PDSS2: variants seen among roughly 807,000 people sequenced by gnomAD.
PDSS2 encodes decaprenyl diphosphate synthase subunit 2, also known as all trans-polyprenyl-diphosphate synthase PDSS2.
Under a neutral mutation model 44.5 loss-of-function variants are expected in PDSS2, and 31 were observed. The ratio of observed to expected loss-of-function variants is 0.70; its 90% CI spans 0.52 to 0.94. The LOEUF (loss-of-function observed/expected upper bound fraction) is 0.94. Among genes scored for constraint, PDSS2 ranks in the 40% least tolerant of loss-of-function variants. The pLI is 0.00. For synonymous variants in PDSS2, 157 were observed against 180.3 expected, an observed-to-expected ratio of 0.87 and a Z score of 1.03; for missense variants, 452 against 482.2, an observed-to-expected ratio of 0.94 and a Z score of 0.59.
intron 1 of PDSS2, among the ~76,000 whole-genome samples, chr6:107,458,033 T>C (rs1259790275): frequency 6.6e-6 from 1 of 152,198 alleles, no homozygotes; most frequent in Non-Finnish European, 1.5e-5. Context: ...TGTGTATATG[T>C]ATTTAATGTA....
At chr6:107,343,106 G>A (rs1361874418) in intron 1 of PDSS2, among the ~76,000 whole-genome samples, 1 of 152,104 alleles carries the variant, frequency 6.6e-6, no homozygotes, top group East Asian at 1.9e-4. Context: ...CACCACACCA[G>A]GTCTTACTAT....
At chr6:107,179,529 TC>T (rs1418763977) in intron 7 of PDSS2, among the ~76,000 whole-genome samples, 14 of 60,112 alleles carry the variant, frequency 2.3e-4, no homozygotes, top group African/African-American at 1.1e-3. Context: ...TTCGCCCGCC[TC>T]GGCCTTCTTA....
rs577983995 is a variant in PDSS2, at chr6:107,339,734, G to A, written c.297-5402C>T. Among the ~76,000 whole-genome samples the A allele has an allele frequency of 3.9e-5, 6 of 152,058 alleles. No homozygotes were observed. In the South Asian group the frequency reaches 1.2e-3, roughly 32 times the overall value. On this transcript the variant is annotated intron_variant, in intron 1 of 7. Transcript: ENST00000369037. The stretch of plus-strand genomic sequence containing the variant: ...GGGAGTGGGAAGGAAACAGGTAAGG[G>A]GGGTATATTTGCAGCACAAGGAGGG...
chr6:107,201,950 ATTT>A, intron 6 of PDSS2, among the ~76,000 whole-genome samples: 1 of 152,240 alleles, frequency 6.6e-6, no homozygotes, highest in Middle Eastern at 3.4e-3. Context: ...ACCATTTATT[ATTT>A]GAGAGTAAGT....
In PDSS2 at chr6:107,439,864, G is replaced by A. The variant is rs186194140; in HGVS notation, c.296+19126C>T. On this transcript the variant is annotated intron_variant, in intron 1 of 7. Coordinates refer to ENST00000369037, the MANE Select transcript of PDSS2 (RefSeq NM_020381.4). ...ATATTTAGATACATTTTTGGGAATG[G>A]GACCAGCACCTGAGAATATCTGTGC... Among the ~76,000 whole-genome samples, 6 of 152,134 alleles carry A rather than the reference G, an allele frequency of 3.9e-5. No homozygotes were observed. In the East Asian group the frequency reaches 7.7e-4, roughly 20 times the overall value.
At chr6:107,428,134 A>G (rs1159863967) in intron 1 of PDSS2, among the ~76,000 whole-genome samples, 1 of 152,192 alleles carries the variant, frequency 6.6e-6, no homozygotes, top group Admixed American at 6.5e-5. Flanking sequence ...CACTGCAGAG[A>G]CTCATAAGGA....
intron 4 of PDSS2, among the ~76,000 whole-genome samples, chr6:107,229,252 T>C (rs1773949874): frequency 6.6e-6 from 1 of 152,206 alleles, no homozygotes; most frequent in Non-Finnish European, 1.5e-5. Flanking sequence ...AATGGCGTGA[T>C]CTCGGCTCAC....
At chr6:107,347,094 A>C (rs748156360) in intron 1 of PDSS2, among the ~76,000 whole-genome samples, 11 of 152,172 alleles carry the variant, frequency 7.2e-5, no homozygotes, top group Non-Finnish European at 1.5e-4. Flanking sequence ...CACAGACTGC[A>C]GGAGTAGCCA....
intron 4 of PDSS2, among the ~76,000 whole-genome samples, chr6:107,232,520 C>T (rs1184425495): frequency 6.6e-6 from 1 of 152,172 alleles, no homozygotes; most frequent in Non-Finnish European, 1.5e-5. Flanking sequence ...TAAAACAGGC[C>T]TTCCATGAAC....
At chr6:107,438,120 CT>C (rs1228858226) in intron 1 of PDSS2, among the ~76,000 whole-genome samples, 1 of 152,162 alleles carries the variant, frequency 6.6e-6, no homozygotes, top group Non-Finnish European at 1.5e-5. Context: ...TCATCTCAAA[CT>C]TTGTTGTGAT....
At chr6:107,403,665 G>T (rs1188479659) in intron 1 of PDSS2, among the ~76,000 whole-genome samples, 1 of 152,224 alleles carries the variant, frequency 6.6e-6, no homozygotes, top group Non-Finnish European at 1.5e-5. Context: ...CATGGAAGCT[G>T]CCAAGACTTG....
chr6:107,328,477 C>T (rs1004806340), intron 2 of PDSS2, among the ~76,000 whole-genome samples: 4 of 152,152 alleles, frequency 2.6e-5, no homozygotes, highest in East Asian at 1.9e-4. Flanking sequence ...GGTTTCACCA[C>T]GTTGGCCAGG....
chr6:107,392,871 G>A (rs1258137251), intron 1 of PDSS2, among the ~76,000 whole-genome samples: 2 of 152,074 alleles, frequency 1.3e-5, no homozygotes, highest in Admixed American at 6.6e-5. Context: ...AACTTAGCCT[G>A]TTTTGATTCC....
intron 1 of PDSS2, among the ~76,000 whole-genome samples, chr6:107,407,721 A>G (rs1297313441): frequency 6.6e-6 from 1 of 152,156 alleles, no homozygotes; most frequent in Non-Finnish European, 1.5e-5. Context: ...CTTTTTTGAG[A>G]TGGAGTCTCG....
In PDSS2 at chr6:107,322,347, G is replaced by A. The variant is rs564422730; in HGVS notation, c.431+11851C>T. Among the ~76,000 whole-genome samples, 11 of 151,674 alleles carry A rather than the reference G, an allele frequency of 7.3e-5. No individual in the cohort carries two copies. The South Asian group carries it at 1.3e-3, about 17-fold the overall frequency. On this transcript the variant is annotated intron_variant, in intron 2 of 7. Coordinates refer to ENST00000369037, the MANE Select transcript of PDSS2 (RefSeq NM_020381.4). ...CCAGCCTGACCAACAGTGAAATCCC[G>A]TTTCCACTAAAAATACAAAAAAATA...
intron 1 of PDSS2, among the ~76,000 whole-genome samples, chr6:107,377,019 A>G (rs1181789244): frequency 6.6e-6 from 1 of 151,292 alleles, no homozygotes; most frequent in South Asian, 2.1e-4. Flanking sequence ...AATGGCAACA[A>G]AAGCCAAAAT....
At chr6:107,231,247 A>G (rs892101733) in intron 4 of PDSS2, among the ~76,000 whole-genome samples, 1 of 152,178 alleles carries the variant, frequency 6.6e-6, no homozygotes, top group Non-Finnish European at 1.5e-5. Flanking sequence ...TCATGTGAAA[A>G]TGCTGTTTTG....
intron 2 of PDSS2, among the ~76,000 whole-genome samples, chr6:107,328,095 C>A (rs149037616): frequency 1.6e-4 from 24 of 152,314 alleles, no homozygotes; most frequent in African/African-American, 5.5e-4. Context: ...TAAGTGCCTA[C>A]TCTGAAGGAG....
At chr6:107,174,118 G>T (rs1554249275) in intron 7 of PDSS2, among the ~76,000 whole-genome samples, 1 of 152,158 alleles carries the variant, frequency 6.6e-6, no homozygotes, top group Non-Finnish European at 1.5e-5. Context: ...GTCAAGAGGG[G>T]CACTGGCATG....
Sources: gnomAD v4.1 joint callset for allele counts (sites outside exome capture counted in the v4.1 genomes callset) on GRCh38, gnomAD v4.1.1 for gene constraint, MANE v1.5 for transcripts, NCBI Gene and HGNC (gene_info 2026-07-23, HGNC 2026-07-21) for gene names.